The following LRRC49 variants were observed in gnomAD, a reference collection of about 807,000 sequenced individuals.
LRRC49 encodes leucine-rich repeat-containing protein 49.
A neutral mutation model predicts 83.3 loss-of-function variants in LRRC49; 50 were observed. That is an observed-to-expected ratio of 0.60 (90% CI 0.48 to 0.76). LRRC49 has a LOEUF of 0.76. Among genes scored for constraint, LRRC49 ranks in the 30% least tolerant of loss-of-function variants. The pLI is 0.00. For synonymous variants in LRRC49, 286 were observed against 283.3 expected, an observed-to-expected ratio of 1.01 and a Z score of -0.10; for missense variants, 704 against 809.1, an observed-to-expected ratio of 0.87 and a Z score of 1.58.
intron 9 of LRRC49, among the ~76,000 whole-genome samples, chr15:70,972,745 C>A (rs908250353): frequency 6.6e-6 from 1 of 151,950 alleles, no homozygotes; most frequent in Admixed American, 6.6e-5. Flanking sequence ...GATCTTCAGT[C>A]TCTGATATCC....
intron 15 of LRRC49, among the ~76,000 whole-genome samples, 159 bp downstream of exon 15, chr15:71,037,491 C>A (rs2039560850): frequency 6.6e-6 from 1 of 151,496 alleles, no homozygotes; most frequent in African/African-American, 2.4e-5. Context: ...GGTACCCAGG[C>A]AATTAGGGAG....
intron 3 of LRRC49, chr15:70,900,314 A>G (rs1334130597): frequency 1.3e-5 from 5 of 376,744 alleles, no homozygotes; most frequent in African/African-American, 2.1e-5. Flanking sequence ...AGATTTACTG[A>G]CATCCACTTT....
chr15:70,937,574 T>C (rs1220819155), intron 8 of LRRC49, among the ~76,000 whole-genome samples: 1 of 152,254 alleles, frequency 6.6e-6, no homozygotes, highest in East Asian at 1.9e-4. Flanking sequence ...GTAAAAAATA[T>C]ATATAAAAAG....
chr15:71,040,539 G>T (rs183749331), intron 15 of LRRC49, among the ~76,000 whole-genome samples: 2 of 152,140 alleles, frequency 1.3e-5, no homozygotes, highest in Non-Finnish European at 2.9e-5. Context: ...GATTCAAGCG[G>T]CCGGGCGCGG....
chr15:71,029,139 A>T (rs138249347), intron 14 of LRRC49, among the ~76,000 whole-genome samples: 2 of 152,198 alleles, frequency 1.3e-5, no homozygotes, highest in East Asian at 3.9e-4. Flanking sequence ...AGATTCTGGT[A>T]TGTGTCTATT....
chr15:70,954,765 T>C (rs991385602), intron 8 of LRRC49, among the ~76,000 whole-genome samples: 1 of 152,182 alleles, frequency 6.6e-6, no homozygotes, highest in Non-Finnish European at 1.5e-5. Context: ...TCAGCAGCTT[T>C]GTCCTCTGGT....
intron 9 of LRRC49, among the ~76,000 whole-genome samples, chr15:70,965,312 C>T (rs775383011): frequency 1.4e-4 from 22 of 152,064 alleles, no homozygotes; most frequent in Non-Finnish European, 2.6e-4. Flanking sequence ...AAGGCAGAAA[C>T]CATTCTTCTT....
At chr15:70,869,377 G>T (rs548430983) in intron 1 of LRRC49, among the ~76,000 whole-genome samples, 2 of 152,238 alleles carry the variant, frequency 1.3e-5, no homozygotes, top group African/African-American at 4.8e-5. Flanking sequence ...TCTGGAAGGA[G>T]CTTCTTAGAC....
chr15:70,854,417 C>A (rs555532246), intron 1 of LRRC49, among the ~76,000 whole-genome samples: 1 of 152,170 alleles, frequency 6.6e-6, no homozygotes, highest in Non-Finnish European at 1.5e-5. Flanking sequence ...GGGGCCCCAG[C>A]CCGAGAGGAG....
At chr15:70,892,168 G>C (rs375242311), upstream of LRRC49, 19 of 1,611,994 alleles carry the variant, frequency 1.2e-5, no homozygotes, top group Middle Eastern at 1.6e-4. Context: ...CCCGCACGAA[G>C]CGGTCCCAGA....
exon 2 of LRRC49, chr15:70,873,181 A>G: frequency 6.5e-7 from 1 of 1,535,734 alleles, no homozygotes; most frequent in East Asian, 2.4e-5. Flanking sequence ...CACCTCGCCC[A>G]GCCAACTTGA....
Position 70,870,092 on chromosome 15 carries a change from C to A in LRRC49, c.-298-2816C>A, listed in dbSNP as rs1286733356. The stretch of plus-strand genomic sequence containing the variant: ...GTTTCTTTCAGTTTGGTACAAAATC[C>A]AGAGGACAATTTAAGTTTGGAATGT... On this transcript the variant is annotated intron_variant, in intron 1 of 16. Coordinates refer to the LRRC49 transcript ENST00000544974. 3.3e-5 allele frequency among the ~76,000 whole-genome samples: 5 copies of A among 152,304 alleles called. No individual in the cohort carries two copies. The East Asian group carries it at 7.7e-4, about 24-fold the overall frequency.
intron 8 of LRRC49, among the ~76,000 whole-genome samples, chr15:70,940,436 T>C (rs1402702403): frequency 2.6e-5 from 4 of 152,110 alleles, no homozygotes; most frequent in Non-Finnish European, 5.9e-5. Context: ...TTTTTGTGTG[T>C]GTTTTTAGCA....
chr15:70,938,497 T>C (rs1340602024), intron 8 of LRRC49, among the ~76,000 whole-genome samples: 1 of 152,140 alleles, frequency 6.6e-6, no homozygotes, highest in Non-Finnish European at 1.5e-5. Flanking sequence ...GCACAGTATG[T>C]TTCCTGCTCT....
At chr15:71,022,554 G>A (rs932555421) in intron 14 of LRRC49, among the ~76,000 whole-genome samples, 1 of 152,024 alleles carries the variant, frequency 6.6e-6, no homozygotes, top group Non-Finnish European at 1.5e-5. Flanking sequence ...TAGCTATTGA[G>A]GACTCAATAG....
In LRRC49 at chr15:70,932,768, T is replaced by C. The variant is rs949566005; in HGVS notation, c.712-3993T>C. On this transcript the variant is annotated intron_variant, in intron 7 of 15. Transcript: ENST00000260382. Reference sequence around the variant, plus strand: ...TTTTTGAGATGGAGTCTTGCTCTGTTGTCCAGGCTAGAGTACAGAGGCGCA... The same window carrying C: ...TTTTTGAGATGGAGTCTTGCTCTGTCGTCCAGGCTAGAGTACAGAGGCGCA... Among the ~76,000 whole-genome samples, 25 of 148,970 alleles carry C rather than the reference T, an allele frequency of 1.7e-4. 1 individual carries two copies. The highest frequency in any genetic ancestry group is 1.6e-3 in the Admixed American group (23 of 14,648).
chr15:70,917,132 C>T (rs950547630), intron 6 of LRRC49, among the ~76,000 whole-genome samples: 1 of 152,186 alleles, frequency 6.6e-6, no homozygotes, highest in South Asian at 2.1e-4. Context: ...TTGGTGCCAA[C>T]AAGCATAGAA....
chr15:70,972,307 T>A (rs1461467135), intron 9 of LRRC49, among the ~76,000 whole-genome samples: 1 of 152,240 alleles, frequency 6.6e-6, no homozygotes, highest in African/African-American at 2.4e-5. Context: ...TGTTGAATAT[T>A]GGCCCCCACT....
chr15:71,043,528 G>C (rs2039760017), intron 15 of LRRC49, among the ~76,000 whole-genome samples: 1 of 152,176 alleles, frequency 6.6e-6, no homozygotes, highest in Non-Finnish European at 1.5e-5. Context: ...CAAGAGAGGT[G>C]TCTCTAACGT....
Sources: gnomAD v4.1 joint callset for allele counts (sites outside exome capture counted in the v4.1 genomes callset) on GRCh38, gnomAD v4.1.1 for gene constraint, MANE v1.5 for transcripts, NCBI Gene and HGNC (gene_info 2026-07-23, HGNC 2026-07-21) for gene names.